The following EBF1 variants were observed in gnomAD, a reference collection of about 807,000 sequenced individuals.
EBF1 encodes transcription factor COE1.
EBF1 carries 10 observed loss-of-function variants against 68.4 expected under a neutral mutation model. The ratio of observed to expected loss-of-function variants is 0.15; its 90% CI spans 0.09 to 0.25. The LOEUF is 0.25. EBF1 is among the 10% of genes least tolerant of loss of function. EBF1 has a pLI of 1.00. For missense variants in EBF1, 509 were observed against 794.4 expected, an observed-to-expected ratio of 0.64 and a Z score of 4.32; for synonymous variants, 298 against 299.8, an observed-to-expected ratio of 0.99 and a Z score of 0.06.
chr5:158,987,519 C>T (rs913141235), intron 6 of EBF1, among the ~76,000 whole-genome samples: 4 of 152,292 alleles, frequency 2.6e-5, no homozygotes, highest in Middle Eastern at 3.4e-3. Context: ...GCAGGGATTA[C>T]CTTGTATGAC....
intron 6 of EBF1, among the ~76,000 whole-genome samples, chr5:158,995,602 A>T (rs1011660133): frequency 1.3e-5 from 2 of 152,172 alleles, no homozygotes; most frequent in East Asian, 3.8e-4. Flanking sequence ...TGGAGAGCAG[A>T]ATGACTCCAG....
rs780344834 is a variant in EBF1 at position 158,777,395 on chromosome 5, A to C, written c.1036+18T>G. 20 of 1,602,808 alleles carry C rather than the reference A, an allele frequency of 1.2e-5. No individual in the cohort carries two copies. The African/African-American group carries it at 2.5e-4, about 20-fold the overall frequency. On this transcript the variant is annotated intron_variant, in intron 10 of 15. Transcript: ENST00000313708. The stretch of plus-strand genomic sequence containing the variant: ...AGACCACGGCAGTTCTGTGCTCACC[A>C]TGTGCTGTGGTTCTTACCTGTATAA...
At chr5:159,005,722 T>G (rs1402083825) in intron 6 of EBF1, among the ~76,000 whole-genome samples, 1 of 152,188 alleles carries the variant, frequency 6.6e-6, no homozygotes, top group African/African-American at 2.4e-5. Flanking sequence ...AATGCAGTGG[T>G]TCCTTAATCT....
chr5:158,884,654 T>A (rs1214317678), intron 6 of EBF1, among the ~76,000 whole-genome samples: 2 of 152,098 alleles, frequency 1.3e-5, no homozygotes, highest in East Asian at 3.9e-4. Flanking sequence ...TTTGGGGGTA[T>A]GTCAGAAAAA....
intron 10 of EBF1, among the ~76,000 whole-genome samples, chr5:158,750,357 A>T (rs149903034): frequency 9.2e-4 from 140 of 152,248 alleles, no homozygotes; most frequent in African/African-American, 3.1e-3. Flanking sequence ...CAAACAAATG[A>T]TAAGAGAGGA....
At chr5:158,802,299 T>C (rs560961045) in intron 8 of EBF1, among the ~76,000 whole-genome samples, 1 of 152,270 alleles carries the variant, frequency 6.6e-6, no homozygotes, top group South Asian at 2.1e-4. Flanking sequence ...ATTAGAGATA[T>C]ATTGTTTGGC....
At chr5:158,756,724 G>C (rs1453153843) in intron 10 of EBF1, among the ~76,000 whole-genome samples, 1 of 151,396 alleles carries the variant, frequency 6.6e-6, no homozygotes, top group Non-Finnish European at 1.5e-5. Flanking sequence ...ATGAATGAAT[G>C]AAAGAATGAA....
At chr5:158,773,233 T>C (rs1258625839) in intron 10 of EBF1, among the ~76,000 whole-genome samples, 5 of 152,128 alleles carry the variant, frequency 3.3e-5, no homozygotes, top group Non-Finnish European at 7.4e-5. Flanking sequence ...CCACAGAGCA[T>C]ATGCAGACAA....
intron 6 of EBF1, among the ~76,000 whole-genome samples, chr5:159,027,249 C>A (rs1406149776): frequency 2.0e-5 from 3 of 152,180 alleles, no homozygotes; most frequent in Non-Finnish European, 2.9e-5. Flanking sequence ...GACTTGAACA[C>A]TTTTCAGAGA....
At chr5:159,020,429 C>T (rs1262237083) in intron 6 of EBF1, among the ~76,000 whole-genome samples, 1 of 152,190 alleles carries the variant, frequency 6.6e-6, no homozygotes, top group East Asian at 1.9e-4. Flanking sequence ...CCCAGCAGGC[C>T]TTTGCAGTAT....
chr5:158,896,056 G>A (rs1480392857), intron 6 of EBF1, among the ~76,000 whole-genome samples: 1 of 152,154 alleles, frequency 6.6e-6, no homozygotes, highest in Non-Finnish European at 1.5e-5. Context: ...GTTGAACAAG[G>A]AAAGGTTCTT....
At chr5:158,962,388 T>C (rs1818345770) in intron 6 of EBF1, among the ~76,000 whole-genome samples, 1 of 152,038 alleles carries the variant, frequency 6.6e-6, no homozygotes, top group Admixed American at 6.6e-5. Flanking sequence ...CAGAGGACCA[T>C]ATACCCCATC....
chr5:159,015,279 C>T (rs981670199), intron 6 of EBF1, among the ~76,000 whole-genome samples: 8 of 152,212 alleles, frequency 5.3e-5, no homozygotes, highest in African/African-American at 1.9e-4. Context: ...TCAGCTACTG[C>T]CACTAAGTTC....
chr5:158,961,755 A>T (rs1342202184), intron 6 of EBF1, among the ~76,000 whole-genome samples: 1 of 152,230 alleles, frequency 6.6e-6, no homozygotes, highest in Non-Finnish European at 1.5e-5. Context: ...GAGATAAATT[A>T]TGTGCTTACC....
rs1783272355 is a variant in EBF1 at position 159,099,587 on chromosome 5, G to T, written c.-109C>A. 5.3e-6 allele frequency: 7 copies of T among 1,330,022 alleles called. No individual in the cohort carries two copies. Among genetic ancestry groups the T allele is most frequent in the Non-Finnish European group, 6.8e-6 (7 of 1,023,410 alleles). 82.4% of individuals were successfully genotyped at this position (1,330,022 alleles called of 1,614,324 possible). On this transcript the variant is annotated 5_prime_UTR_variant, in exon 1 of 16. Transcript: ENST00000313708. Reference sequence around the variant, plus strand: ...AAAAGAAACAAAAACGCCAACCAGAGATTTTTTTTTTTCTCAGACGATGAA... The same window carrying T: ...AAAAGAAACAAAAACGCCAACCAGATATTTTTTTTTTTCTCAGACGATGAA...
At chr5:158,773,997 A>G (rs141901665) in intron 10 of EBF1, among the ~76,000 whole-genome samples, 57 of 152,302 alleles carry the variant, frequency 3.7e-4, no homozygotes, top group African/African-American at 1.3e-3. Context: ...TTCTCTTAGA[A>G]AACATTTATT....
At chr5:158,812,929 A>G (rs1037742040) in intron 8 of EBF1, among the ~76,000 whole-genome samples, 10 of 152,156 alleles carry the variant, frequency 6.6e-5, no homozygotes, top group Non-Finnish European at 1.0e-4. Flanking sequence ...ATTTAAGTCT[A>G]TTCTAACAGT....
intron 8 of EBF1, among the ~76,000 whole-genome samples, chr5:158,808,881 A>G (rs983140452): frequency 2.0e-5 from 3 of 152,160 alleles, no homozygotes; most frequent in Admixed American, 6.5e-5. Flanking sequence ...ACTTACTTCC[A>G]TCACCCAAAC....
At chr5:159,081,052 C>T (rs1779663568) in intron 5 of EBF1, among the ~76,000 whole-genome samples, 1 of 152,202 alleles carries the variant, frequency 6.6e-6, no homozygotes, top group Non-Finnish European at 1.5e-5. Context: ...GCAATCAGGG[C>T]TCACTGCAGC....
Sources: gnomAD v4.1 joint callset for allele counts (sites outside exome capture counted in the v4.1 genomes callset) on GRCh38, gnomAD v4.1.1 for gene constraint, MANE v1.5 for transcripts, NCBI Gene and HGNC (gene_info 2026-07-23, HGNC 2026-07-21) for gene names.